The following EXOG variants were observed in gnomAD, a reference collection of about 807,000 sequenced individuals.
EXOG encodes the protein nuclease EXOG, mitochondrial.
In EXOG, 27 loss-of-function variants were observed where a neutral mutation model predicts 25.8. The observed-to-expected ratio is 1.05, with a 90% CI of 0.77 to 1.45. EXOG has a LOEUF of 1.45. Among genes scored for constraint, EXOG ranks in the 40% most tolerant of loss-of-function variants. EXOG has a pLI of 0.00. For missense variants in EXOG, 458 were observed against 450.5 expected (o/e 1.02, Z -0.15); for synonymous variants, 133 against 167.0 (o/e 0.80, Z 1.57).
At chr3:38,519,302 A>G (rs566175063) in intron 5 of EXOG, 3 of 152,318 alleles carry the variant, frequency 2.0e-5, no homozygotes, top group Admixed American at 1.3e-4. Context: ...TCCTGTTTCA[A>G]GAAGAGGTTG....
At position 38,524,697 on chromosome 3, in the gene EXOG, A is replaced by G. The variant is rs2060830759; in HGVS notation, c.*335A>G. 1 of 1,020,440 alleles carries G rather than the reference A, an allele frequency of 9.8e-7. No homozygotes were observed. Among genetic ancestry groups the G allele is most frequent in the Non-Finnish European group, 1.2e-6 (1 of 852,938 alleles). The allele number at this position is 1,020,440 out of a possible 1,614,324, so 63.2% of individuals were successfully genotyped here. On this transcript the variant is annotated 3_prime_UTR_variant, in exon 6 of 6. Coordinates refer to ENST00000287675, the MANE Select transcript of EXOG (RefSeq NM_005107.4). ...AATTCCCCCAAAAGATGAAAGATCTACAATGTTTTTGTCAGTATTATATTT... is the reference window on the plus strand; with the variant it reads ...AATTCCCCCAAAAGATGAAAGATCTGCAATGTTTTTGTCAGTATTATATTT...
At chr3:38,499,827 C>T (rs2300669) in intron 2 of EXOG, 1 of 361,464 alleles carries the variant, frequency 2.8e-6, no homozygotes, top group African/African-American at 2.2e-5. Flanking sequence ...AGCATAGTGG[C>T]GAATTGCTAG....
At chr3:38,516,687 T>A (rs1251132391) in intron 5 of EXOG, among the ~76,000 whole-genome samples, 1 of 151,432 alleles carries the variant, frequency 6.6e-6, no homozygotes, top group Non-Finnish European at 1.5e-5. Flanking sequence ...TCCTTTATAC[T>A]GTTTTTTTTT....
intron 5 of EXOG, chr3:38,523,350 T>C: frequency 8.2e-7 from 1 of 1,218,342 alleles, no homozygotes; most frequent in East Asian, 5.9e-5. Context: ...ACCCCTGATC[T>C]TTGGGTTGGC....
chr3:38,514,760 C>CT (rs1161951454), intron 5 of EXOG, among the ~76,000 whole-genome samples: 40 of 116,306 alleles, frequency 3.4e-4, no homozygotes, highest in Admixed American at 2.3e-3. Flanking sequence ...CTTTTCCACC[C>CT]TCCCCCCCCT....
intron 1 of EXOG, chr3:38,497,280 C>A: frequency 9.7e-7 from 1 of 1,027,896 alleles, no homozygotes; most frequent in Non-Finnish European, 1.2e-6. Flanking sequence ...AAAAACAGTA[C>A]CAGTTTTACT....
At chr3:38,516,607 G>A (rs1335064903) in intron 5 of EXOG, among the ~76,000 whole-genome samples, 4 of 151,962 alleles carry the variant, frequency 2.6e-5, no homozygotes, top group Admixed American at 6.6e-5. Context: ...TATCAAATTC[G>A]TGAAAAAACA....
chr3:38,520,559 A>G (rs2060684344), intron 5 of EXOG, among the ~76,000 whole-genome samples: 2 of 152,154 alleles, frequency 1.3e-5, no homozygotes, highest in Admixed American at 1.3e-4. Flanking sequence ...CTGAAACCCC[A>G]TTGCTGACCT....
At chr3:38,515,630 A>C (rs1182247417) in intron 5 of EXOG, 1 of 166,348 alleles carries the variant, frequency 6.0e-6, no homozygotes, top group Non-Finnish European at 1.4e-5. Context: ...AGCTGCGCCC[A>C]GGGCTCAGTG....
At position 38,524,782 on chromosome 3, in the gene EXOG, G is replaced by A; in HGVS notation, c.*420G>A. 1.0e-6 allele frequency: 1 copy of A among 989,692 alleles called. No homozygotes were observed. Among genetic ancestry groups the A allele is most frequent in the Non-Finnish European group, 1.2e-6 (1 of 832,962 alleles). The allele number at this position is 989,692 out of a possible 1,614,324, so 61.3% of individuals were successfully genotyped here. On this transcript the variant is annotated 3_prime_UTR_variant, in exon 6 of 6. Transcript: ENST00000287675. ...CCTGCAGATGGAGGGCTGATCTTGT[G>A]TCAAGTTAACAGGAAGACTGCCCAC...
At chr3:38,507,470 A>G (rs2060236297) in intron 5 of EXOG, among the ~76,000 whole-genome samples, 1 of 152,186 alleles carries the variant, frequency 6.6e-6, no homozygotes, top group Non-Finnish European at 1.5e-5. Context: ...ATTGGAGCTT[A>G]TGGTACAAAA....
At chr3:38,518,288 A>C (rs1279130120) in intron 5 of EXOG, among the ~76,000 whole-genome samples, 1 of 152,226 alleles carries the variant, frequency 6.6e-6, no homozygotes, top group Non-Finnish European at 1.5e-5. Context: ...AGAAACTTCA[A>C]ATGACCAGCT....
chr3:38,496,666 C>G (rs2059898649), intron 1 of EXOG, 136 bp downstream of exon 1: 1 of 1,453,564 alleles, frequency 6.9e-7, no homozygotes, highest in South Asian at 1.4e-5. Flanking sequence ...GGTTTCTGAC[C>G]TTTATTCTCC....
rs1436927857 is a variant in EXOG at position 38,525,360 on chromosome 3, C to T, written c.*998C>T. On this transcript the variant is annotated 3_prime_UTR_variant, in exon 6 of 6. Coordinates refer to ENST00000287675, the MANE Select transcript of EXOG (RefSeq NM_005107.4). The stretch of plus-strand genomic sequence containing the variant: ...TGGCTTTTTACTCAGAAATATATAC[C>T]TATTTCCATGGGTATTTGTGGGCCT... 1 of 985,020 alleles carries T rather than the reference C, an allele frequency of 1.0e-6. No homozygotes were observed. The highest frequency in any genetic ancestry group is 6.1e-5 in the Admixed American group (1 of 16,266). 61.0% of individuals were successfully genotyped at this position (985,020 alleles called of 1,614,324 possible). A position where few individuals can be genotyped will look rare whatever the true frequency, so the allele number is the denominator to read the frequency against.
At chr3:38,503,144 C>T (rs534831354) in intron 3 of EXOG, among the ~76,000 whole-genome samples, 2 of 152,256 alleles carry the variant, frequency 1.3e-5, no homozygotes, top group South Asian at 4.2e-4. Context: ...GAGGTAGAGC[C>T]TTGTATATTT....
intron 3 of EXOG, among the ~76,000 whole-genome samples, chr3:38,502,988 C>T (rs1447691623): frequency 2.0e-5 from 3 of 152,284 alleles, no homozygotes; most frequent in Non-Finnish European, 2.9e-5. Context: ...ACTGGAAACT[C>T]TCAGGGATGA....
At position 38,525,595 on chromosome 3, in the gene EXOG, T is replaced by C; in HGVS notation, c.*1233T>C. 1.0e-6 allele frequency: 1 copy of C among 985,336 alleles called. No homozygotes were observed. Among genetic ancestry groups the C allele is most frequent in the Non-Finnish European group, 1.2e-6 (1 of 829,904 alleles). The allele number at this position is 985,336 out of a possible 1,614,324, so 61.0% of individuals were successfully genotyped here. On this transcript the variant is annotated 3_prime_UTR_variant, in exon 6 of 6. Transcript: ENST00000287675. ...TTTTAGTGACCAGATACTGCCAAAT[T>C]GATGTGTTCTTGCTTTCCAGGTGAG...
At chr3:38,499,205 G>C (rs2059977460) in intron 2 of EXOG, among the ~76,000 whole-genome samples, 1 of 151,750 alleles carries the variant, frequency 6.6e-6, no homozygotes, top group Admixed American at 6.6e-5. Context: ...TTTGTTATTT[G>C]CTTTTTAATT....
chr3:38,503,321 T>G (rs1385604678), intron 3 of EXOG, among the ~76,000 whole-genome samples: 1 of 152,222 alleles, frequency 6.6e-6, no homozygotes, highest in Non-Finnish European at 1.5e-5. Context: ...AAACCAGAAT[T>G]TGCCCTTAAG....
Sources: allele counts gnomAD v4.1 joint callset (sites outside exome capture counted in the v4.1 genomes callset), GRCh38; gene constraint gnomAD v4.1.1; transcripts MANE v1.5; gene names NCBI Gene and HGNC (gene_info 2026-07-23, HGNC 2026-07-21).